The following TDRD7 variants were observed in gnomAD, a reference collection of about 807,000 sequenced individuals.
TDRD7 encodes tudor domain-containing protein 7.
TDRD7 carries 47 observed loss-of-function variants against 109.8 expected under a neutral mutation model. The observed-to-expected ratio is 0.43, with a 90% CI of 0.34 to 0.55. The LOEUF (loss-of-function observed/expected upper bound fraction) is 0.55. TDRD7 is among the 20% of genes least tolerant of loss of function. TDRD7 has a pLI of 0.03. For missense variants in TDRD7, 1,164 were observed against 1,319.2 expected (o/e 0.88, Z 1.82); for synonymous variants, 424 against 457.3 (o/e 0.93, Z 0.93).
chr9:97,425,949 T>C (rs560352038), intron 1 of TDRD7, among the ~76,000 whole-genome samples: 7 of 152,318 alleles, frequency 4.6e-5, no homozygotes, highest in South Asian at 2.1e-4. Context: ...AGCATGTTAC[T>C]GTACTGAATG....
At chr9:97,463,378 TTG>T (rs1828763607) in intron 7 of TDRD7, among the ~76,000 whole-genome samples, 2 of 151,924 alleles carry the variant, frequency 1.3e-5, no homozygotes, top group African/African-American at 4.8e-5. Context: ...TTTCTGAGTT[TTG>T]TTTTTTTTTT....
chr9:97,463,380 GT>G (rs1179946909), intron 7 of TDRD7, among the ~76,000 whole-genome samples: 1,541 of 125,664 alleles, frequency 0.012, 16 homozygotes, highest in African/African-American at 0.036. Flanking sequence ...TCTGAGTTTT[GT>G]TTTTTTTTTT....
At chr9:97,468,586 T>G (rs1236038938) in intron 8 of TDRD7, among the ~76,000 whole-genome samples, 1 of 152,232 alleles carries the variant, frequency 6.6e-6, no homozygotes, top group African/African-American at 2.4e-5. Context: ...AGCACCAGTC[T>G]TGCTTCGCTT....
chr9:97,427,964 A>AT (rs1554742909), intron 1 of TDRD7, among the ~76,000 whole-genome samples: 1 of 152,180 alleles, frequency 6.6e-6, no homozygotes, highest in African/African-American at 2.4e-5. Flanking sequence ...CATGAGCATA[A>AT]TATAGTAGTC....
chr9:97,421,774 G>A (rs1303073919), intron 1 of TDRD7, among the ~76,000 whole-genome samples: 7 of 150,758 alleles, frequency 4.6e-5, no homozygotes, highest in South Asian at 2.1e-4. Context: ...TTGCCCAGGC[G>A]AGTCTCGAAC....
At chr9:97,494,708 ATATATTTTT>A (rs1225045354) in intron 16 of TDRD7, among the ~76,000 whole-genome samples, 2 of 98,220 alleles carry the variant, frequency 2.0e-5, no homozygotes, top group African/African-American at 6.7e-5. Context: ...ATATATATAT[ATATATTTTT>A]TTTTTTTTCG....
intron 13 of TDRD7, chr9:97,480,259 T>G (rs1274628038): frequency 6.1e-6 from 1 of 164,014 alleles, no homozygotes; most frequent in African/African-American, 2.4e-5. Flanking sequence ...TAAAAAGCAC[T>G]GGGGAAAATG....
chr9:97,422,838 G>A (rs1827921806), intron 1 of TDRD7, among the ~76,000 whole-genome samples: 1 of 151,986 alleles, frequency 6.6e-6, no homozygotes, highest in Non-Finnish European at 1.5e-5. Context: ...TATATTGATT[G>A]ACTTAATGAA....
At chr9:97,476,565 A>G (rs893019996) in intron 12 of TDRD7, among the ~76,000 whole-genome samples, 4 of 31,576 alleles carry the variant, frequency 1.3e-4, no homozygotes, top group African/African-American at 6.2e-4. Context: ...AACCAAAAAG[A>G]AAAAAAAAAA....
At chr9:97,419,359 CTTGG>C (rs1827861628) in intron 1 of TDRD7, among the ~76,000 whole-genome samples, 3 of 152,220 alleles carry the variant, frequency 2.0e-5, no homozygotes, top group Admixed American at 2.0e-4. Context: ...CAAATTAAAA[CTTGG>C]CCAGTCTCCA....
intron 4 of TDRD7, among the ~76,000 whole-genome samples, chr9:97,432,583 A>T (rs1433667045): frequency 6.6e-6 from 1 of 152,134 alleles, no homozygotes; most frequent in African/African-American, 2.4e-5. Context: ...AGTTTCAGAC[A>T]CTCCACTGTG....
chr9:97,460,469 T>C lies in TDRD7; in HGVS notation c.1147T>C (p.Ser383Pro). The change falls in exon 7 of 17, where the codon TCA becomes CCA. Residue 383 changes from serine to proline, a missense_variant. Coordinates refer to ENST00000355295, the MANE Select transcript of TDRD7 (RefSeq NM_014290.3). ...TGAGGATGCCTTAAAAAATCTTGCC[T>C]CACTTTCTGATGTATGCAGCATAGA... ...FPEDALKNLA[S>P]LSDVCSIDYI... 1 of 1,614,228 alleles carries C rather than the reference T, an allele frequency of 6.2e-7. No individual in the cohort carries two copies. The highest frequency in any genetic ancestry group is 1.1e-5 in the South Asian group (1 of 91,090).
intron 6 of TDRD7, among the ~76,000 whole-genome samples, chr9:97,451,571 C>T (rs1387364305): frequency 2.0e-5 from 3 of 152,336 alleles, no homozygotes; most frequent in Admixed American, 6.5e-5. Flanking sequence ...GGATTATAGG[C>T]GTGCGCTGCT....
chr9:97,416,020 A>G (rs1266192752), intron 1 of TDRD7, among the ~76,000 whole-genome samples: 1 of 152,164 alleles, frequency 6.6e-6, no homozygotes. Flanking sequence ...GCCTGAAGTG[A>G]TGTTGCTAAT....
intron 6 of TDRD7, among the ~76,000 whole-genome samples, chr9:97,445,167 C>A (rs903215073): frequency 8.5e-5 from 13 of 152,176 alleles, no homozygotes; most frequent in Non-Finnish European, 1.5e-5. Flanking sequence ...GACAGTAAGC[C>A]TGCAGATCAA....
At chr9:97,467,865 A>G (rs1188065355) in intron 8 of TDRD7, among the ~76,000 whole-genome samples, 1 of 152,176 alleles carries the variant, frequency 6.6e-6, no homozygotes, top group Admixed American at 6.5e-5. Context: ...GAGGTAGTGG[A>G]AGAGATTCAG....
At chr9:97,463,845 T>C (rs1295036631) in intron 7 of TDRD7, among the ~76,000 whole-genome samples, 1 of 152,222 alleles carries the variant, frequency 6.6e-6, no homozygotes, top group Non-Finnish European at 1.5e-5. Context: ...AAAAAAATAT[T>C]TCTCAACAAG....
intron 8 of TDRD7, among the ~76,000 whole-genome samples, chr9:97,469,557 GA>G (rs1306670378): frequency 6.6e-6 from 1 of 152,172 alleles, no homozygotes; most frequent in African/African-American, 2.4e-5. Context: ...GGGAGGCAGT[GA>G]AAGGAACCTA....
At chr9:97,427,044 A>C (rs1441955832) in intron 1 of TDRD7, among the ~76,000 whole-genome samples, 3 of 152,212 alleles carry the variant, frequency 2.0e-5, no homozygotes, top group African/African-American at 7.2e-5. Flanking sequence ...ATATGTGGAC[A>C]TTGTGGACAT....
Sources: allele counts gnomAD v4.1 joint callset (sites outside exome capture counted in the v4.1 genomes callset), GRCh38; gene constraint gnomAD v4.1.1; transcripts MANE v1.5; gene names NCBI Gene and HGNC (gene_info 2026-07-23, HGNC 2026-07-21).